CCAR2: variants seen among roughly 807,000 people sequenced by gnomAD.
CCAR2 encodes cell cycle and apoptosis regulator 2.
Under a neutral mutation model 108.1 loss-of-function variants are expected in CCAR2, and 21 were observed. The ratio of observed to expected loss-of-function variants is 0.19; its 90% CI spans 0.14 to 0.28. CCAR2 has a LOEUF of 0.28. CCAR2 is among the 10% of genes least tolerant of loss of function. The pLI, the probability that CCAR2 is intolerant of heterozygous loss-of-function variation, is 1.00. For synonymous variants in CCAR2, 577 were observed against 472.8 expected (o/e 1.22, Z -2.86); for missense variants, 1,126 against 1,177.0 (o/e 0.96, Z 0.63).
chr8:22,613,199 G>A (rs1801361343), intron 8 of CCAR2, 63 bp downstream of exon 8: 1 of 1,458,396 alleles, frequency 6.9e-7, no homozygotes, highest in East Asian at 2.5e-5. Flanking sequence ...ATGTAAATGA[G>A]ATGGCGTCTA....
intron 3 of CCAR2, 55 bp from the exon 4 acceptor site, chr8:22,606,552 G>A: frequency 7.1e-7 from 1 of 1,412,926 alleles, no homozygotes; most frequent in Non-Finnish European, 1.0e-6. Context: ...ATGGCAGAGT[G>A]TGATTTTGTC....
At chr8:22,610,462 T>C (rs1248348136) in intron 7 of CCAR2, among the ~76,000 whole-genome samples, 1 of 152,152 alleles carries the variant, frequency 6.6e-6, no homozygotes, top group Non-Finnish European at 1.5e-5. Context: ...CTCCTGACAA[T>C]GTACAGGAAG....
chr8:22,615,315 C>A, intron 11 of CCAR2, 110 bp from the exon 12 acceptor site: 1 of 1,316,930 alleles, frequency 7.6e-7, no homozygotes, highest in Non-Finnish European at 1.0e-6. Flanking sequence ...GCTTGGTTCG[C>A]AGTGTGTGCT....
At position 22,613,011 on chromosome 8, in the gene CCAR2, C is replaced by A; in HGVS notation, c.585-6C>A. 2 of 1,611,866 alleles carry A rather than the reference C, an allele frequency of 1.2e-6. No homozygotes were observed. Among genetic ancestry groups the A allele is most frequent in the Non-Finnish European group, 1.7e-6 (2 of 1,179,228 alleles). On this transcript the variant is annotated splice_polypyrimidine_tract_variant and splice_region_variant and intron_variant, in intron 7 of 20. Coordinates refer to ENST00000308511, the MANE Select transcript of CCAR2 (RefSeq NM_001393997.1). Reference sequence around the variant, plus strand: ...TTCTTACTGTTGGTGATGGGTCAACCTCTAGTGATGACTATGACTCCAAGA... The same window carrying A: ...TTCTTACTGTTGGTGATGGGTCAACATCTAGTGATGACTATGACTCCAAGA...
chr8:22,607,610 G>C (rs1801126097), intron 6 of CCAR2, among the ~76,000 whole-genome samples: 2 of 151,840 alleles, frequency 1.3e-5, no homozygotes, highest in African/African-American at 4.8e-5. Context: ...TGGGATTACA[G>C]GCGCCCGCCA....
chr8:22,619,264 A>C lies in CCAR2; in HGVS notation c.2636A>C (p.Glu879Ala). The C allele has an allele frequency of 1.3e-6, 2 of 1,564,568 alleles. No individual in the cohort carries two copies. The highest frequency in any genetic ancestry group is 2.3e-5 in the South Asian group (2 of 85,382). Residue 879 changes from glutamate to alanine, a missense_variant, in exon 20 of 21, where the codon GAG becomes GCG. Physicochemically the swap from Glu to Ala is moderately radical, Grantham distance 107. Coordinates refer to ENST00000308511, the MANE Select transcript of CCAR2 (RefSeq NM_001393997.1). ...GCCGAGGAGACCGCCCGGACGGCGG[A>C]GCGACAGAAGAGCCAGCTCCAGCGG... ...AEAEETARTA[E>A]RQKSQLQRLL...
At chr8:22,606,209 C>T (rs1563903194) in intron 3 of CCAR2, 33 bp downstream of exon 3, 1 of 1,503,676 alleles carries the variant, frequency 6.7e-7, no homozygotes, top group Non-Finnish European at 9.3e-7. Flanking sequence ...TAAGTTTCAG[C>T]CCTTGGGACT....
chr8:22,614,434 T>C lies in CCAR2; in HGVS notation c.972T>C (p.Cys324=), dbSNP rs201028979. The C allele has an allele frequency of 6.2e-7, 1 of 1,614,222 alleles. No homozygotes were observed. Among genetic ancestry groups the C allele is most frequent in the Non-Finnish European group, 8.5e-7 (1 of 1,180,042 alleles). ...CGGGGTTGGAGGAATTGTATCGTTG[T>C]TGCATGCTCTTTGTGGATGACATGG... ...SSPGLEELYR[C]CMLFVDDMAE... The change falls in exon 10 of 21, where the codon TGT becomes TGC. Residue 324 remains cysteine (C), a synonymous_variant. Transcript: ENST00000308511.
chr8:22,608,174 G>C (rs1801151847), intron 7 of CCAR2, 109 bp downstream of exon 7: 2 of 822,688 alleles, frequency 2.4e-6, no homozygotes, highest in South Asian at 3.5e-5. Flanking sequence ...TCAACTGCTT[G>C]GAAGGTGGCT....
In CCAR2 at chr8:22,614,449, G is replaced by C; in HGVS notation, c.987G>C (p.Val329=). 1.3e-5 allele frequency: 21 copies of C among 1,614,204 alleles called. No individual in the cohort carries two copies. Among genetic ancestry groups the C allele is most frequent in the Non-Finnish European group, 1.7e-5 (20 of 1,180,044 alleles). The stretch of plus-strand genomic sequence containing the variant: ...TGTATCGTTGTTGCATGCTCTTTGT[G>C]GATGACATGGCTGAGCCAAGGGAGA... ...EELYRCCMLF[V]DDMAEPRETP... is the part of the protein sequence containing the mutation. Residue 329 remains valine (V), a synonymous_variant, in exon 10 of 21, where the codon GTG becomes GTC. Coordinates refer to ENST00000308511, the MANE Select transcript of CCAR2 (RefSeq NM_001393997.1).
chr8:22,607,128 G>C (rs1175493190), intron 5 of CCAR2, 68 bp from the exon 6 acceptor site: 4 of 1,608,546 alleles, frequency 2.5e-6, no homozygotes, highest in Non-Finnish European at 3.4e-6. Flanking sequence ...GGGTGGGACT[G>C]CATCTTTCCA....
intron 7 of CCAR2, among the ~76,000 whole-genome samples, chr8:22,611,052 ATAAAAT>A (rs1302362977): frequency 8.1e-5 from 12 of 148,460 alleles, no homozygotes; most frequent in African/African-American, 2.6e-4. Flanking sequence ...ATATAAATAC[ATAAAAT>A]TAAAATAATA....
Position 22,615,014 on chromosome 8 carries a change from C to T in CCAR2, c.1205+13C>T. 1.3e-6 allele frequency: 2 copies of T among 1,548,442 alleles called. No individual in the cohort carries two copies. The highest frequency in any genetic ancestry group is 2.4e-5 in the South Asian group (2 of 84,278). ...GCTGTACCAAGTGGTGAGTGGGCTT[C>T]CTGAGCCTCAGCTGCACCAACGCAC... On this transcript the variant is annotated intron_variant, in intron 11 of 20. Coordinates refer to ENST00000308511, the MANE Select transcript of CCAR2 (RefSeq NM_001393997.1).
chr8:22,611,439 T>C (rs1379423852), intron 7 of CCAR2, among the ~76,000 whole-genome samples: 2 of 146,976 alleles, frequency 1.4e-5, no homozygotes, highest in Admixed American at 1.3e-4. Context: ...TATATGTGTG[T>C]GTGTATACAT....
rs1563920198 is a variant in CCAR2, at chr8:22,615,464, C to T, written c.1245C>T (p.Pro415=). 7 of 1,613,820 alleles carry T rather than the reference C, an allele frequency of 4.3e-6. No individual in the cohort carries two copies. The Admixed American group carries it at 5.0e-5, about 12-fold the overall frequency. ...FAEFQYLQPG[P]PRRLQTVVVY... ...AGTTTCAGTACCTGCAGCCGGGACC[C>T]CCCCGGCGGCTTCAGACAGTGGTGG... The change falls in exon 12 of 21, where the codon CCC becomes CCT. Residue 415 remains proline (P), a synonymous_variant. Transcript: ENST00000308511.
Position 22,615,070 on chromosome 8 carries a change from G to A in CCAR2, c.1205+69G>A, listed in dbSNP as rs557907070. ...TGGGGAGGTTTTGTTGGGAAGGCCCGGTCCCTGCCCCTTTCTGCTGGTTAG... is the reference window on the plus strand; with the variant it reads ...TGGGGAGGTTTTGTTGGGAAGGCCCAGTCCCTGCCCCTTTCTGCTGGTTAG... On this transcript the variant is annotated intron_variant, in intron 11 of 20. Transcript: ENST00000308511. The A allele has an allele frequency of 3.6e-5, 53 of 1,456,390 alleles. No homozygotes were observed. In the East Asian group the frequency reaches 6.4e-4, roughly 18 times the overall value. The allele number at this position is 1,456,390 out of a possible 1,614,324, so 90.2% of individuals were successfully genotyped here.
intron 17 of CCAR2, 35 bp from the exon 18 acceptor site, chr8:22,618,582 C>CG (rs1563927818): frequency 6.2e-7 from 1 of 1,613,910 alleles, no homozygotes. Flanking sequence ...GGGTCGGGGA[C>CG]GGGGCCTTCT....
At chr8:22,607,381 T>C (rs1801116600) in intron 6 of CCAR2, 56 bp downstream of exon 6, 4 of 1,592,594 alleles carry the variant, frequency 2.5e-6, no homozygotes, top group Non-Finnish European at 2.6e-6. Context: ...TTTAGATCAA[T>C]GGACTTTCAG....
Position 22,613,045 on chromosome 8 carries a change from C to G in CCAR2, c.613C>G (p.Gln205Glu). Residue 205 changes from glutamine to glutamate, a missense_variant, in exon 8 of 21, where the codon CAG becomes GAG. Coordinates refer to ENST00000308511, the MANE Select transcript of CCAR2 (RefSeq NM_001393997.1). ...TGACTATGACTCCAAGAAACGCAAACAGCGGGCTGGTGGAGAGCCCTGGGG... is the reference window on the plus strand; with the variant it reads ...TGACTATGACTCCAAGAAACGCAAAGAGCGGGCTGGTGGAGAGCCCTGGGG... ...SDDYDSKKRK[Q>E]RAGGEPWGAK... 1 of 1,613,172 alleles carries G rather than the reference C, an allele frequency of 6.2e-7. No individual in the cohort carries two copies. The highest frequency in any genetic ancestry group is 8.5e-7 in the Non-Finnish European group (1 of 1,179,748).
Sources: allele counts gnomAD v4.1 joint callset (sites outside exome capture counted in the v4.1 genomes callset), GRCh38; gene constraint gnomAD v4.1.1; transcripts MANE v1.5; gene names NCBI Gene and HGNC (gene_info 2026-07-23, HGNC 2026-07-21).